Variants in NUP153 observed in about 807,000 individuals in gnomAD.
NUP153 encodes the protein nuclear pore complex protein Nup153.
A neutral mutation model predicts 134.6 loss-of-function variants in NUP153; 27 were observed. That is an observed-to-expected ratio of 0.20 (90% confidence interval 0.15 to 0.28). NUP153 has a LOEUF of 0.28. Ranked by LOEUF, NUP153 falls within the 10% of genes least tolerant of loss-of-function variation. The pLI is 1.00. For synonymous variants in NUP153, 640 were observed against 623.5 expected (o/e 1.03, Z -0.40); for missense variants, 1,821 against 1,731.3 (o/e 1.05, Z -0.92).
intron 14 of NUP153, among the ~76,000 whole-genome samples, chr6:17,642,080 A>G (rs1765870513): frequency 6.6e-6 from 1 of 152,196 alleles, no homozygotes; most frequent in South Asian, 2.1e-4. Context: ...ATAAACAAAA[A>G]TTCAAAATGG....
chr6:17,623,438 A>G (rs1467444829), intron 20 of NUP153, among the ~76,000 whole-genome samples: 1 of 152,130 alleles, frequency 6.6e-6, no homozygotes, highest in Admixed American at 6.5e-5. Flanking sequence ...GAACTCATAC[A>G]ATGGTGGTAG....
chr6:17,648,936 T>A (rs1766360813), intron 12 of NUP153, among the ~76,000 whole-genome samples: 1 of 152,220 alleles, frequency 6.6e-6, no homozygotes, highest in Admixed American at 6.5e-5. Context: ...TTTACAAGAA[T>A]ATCCTTCTCT....
chr6:17,643,178 T>C (rs1765943748), intron 14 of NUP153, among the ~76,000 whole-genome samples: 2 of 152,096 alleles, frequency 1.3e-5, no homozygotes, highest in African/African-American at 4.8e-5. Context: ...TTCATCACAA[T>C]AACAAAAATA....
At chr6:17,691,704 C>T (rs916391965) in intron 1 of NUP153, among the ~76,000 whole-genome samples, 1 of 152,136 alleles carries the variant, frequency 6.6e-6, no homozygotes, top group African/African-American at 2.4e-5. Flanking sequence ...GGCAGACGGG[C>T]CATTGCACTC....
chr6:17,697,695 A>G (rs1374150048), intron 1 of NUP153, among the ~76,000 whole-genome samples: 1 of 152,056 alleles, frequency 6.6e-6, no homozygotes, highest in Admixed American at 6.6e-5. Context: ...CTCAAAAAAA[A>G]GGATTAATGA....
rs948641291 is a variant in NUP153 at position 17,647,717 on chromosome 6, T to C, written c.1632+90A>G. ...TAAGTTGGAAGAAAAATAACAGTGTTTCTCACCACCAGTGGCATCTTAGAT... is the reference window on the plus strand; with the variant it reads ...TAAGTTGGAAGAAAAATAACAGTGTCTCTCACCACCAGTGGCATCTTAGAT... On this transcript the variant is annotated intron_variant, in intron 13 of 21. Coordinates refer to ENST00000262077, the MANE Select transcript of NUP153 (RefSeq NM_005124.4). 82 of 848,950 alleles carry C rather than the reference T, an allele frequency of 9.7e-5. No individual in the cohort carries two copies. The East Asian group carries it at 1.7e-3, about 18-fold the overall frequency. 52.6% of individuals were successfully genotyped at this position (848,950 alleles called of 1,614,324 possible). A position where few individuals can be genotyped will look rare whatever the true frequency, so the allele number is the denominator to read the frequency against.
At chr6:17,687,744 G>C (rs112862041) in intron 2 of NUP153, among the ~76,000 whole-genome samples, 2,107 of 152,186 alleles carry the variant, frequency 0.014, 56 homozygotes, top group African/African-American at 0.048. Flanking sequence ...TGTAGTGAAA[G>C]AAAAAATGTA....
chr6:17,630,430 C>G (rs909903040), intron 17 of NUP153, among the ~76,000 whole-genome samples: 7 of 152,010 alleles, frequency 4.6e-5, no homozygotes, highest in Non-Finnish European at 8.8e-5. Context: ...GAGGCCAAGG[C>G]GGGCAGATCA....
At position 17,706,421 on chromosome 6, in the gene NUP153, G is replaced by A. The variant is rs751296088; in HGVS notation, c.-34C>T. The A allele has an allele frequency of 2.3e-5, 36 of 1,561,846 alleles. No individual in the cohort carries two copies. In the East Asian group the frequency reaches 2.7e-4, roughly 12 times the overall value. On this transcript the variant is annotated 5_prime_UTR_variant, in exon 1 of 22. Transcript: ENST00000262077. This position sits in a 1 kb window ranked among gnomAD's most constrained non-coding sequence, Gnocchi z 5.9. ...CTCCGCCGCTTCCCGCTCCGGGGCG[G>A]GTAAGGGGGCGGGAGAGGCAGAGGC...
chr6:17,646,203 A>AC, intron 13 of NUP153, 49 bp from the exon 14 acceptor site: 6 of 992,596 alleles, frequency 6.0e-6, no homozygotes, highest in African/African-American at 1.6e-5. Context: ...TAAGTATCAA[A>AC]TATAGAGCTT....
In NUP153 at chr6:17,706,554, G is replaced by A; in HGVS notation, c.-167C>T. 1 of 595,368 alleles carries A rather than the reference G, an allele frequency of 1.7e-6. No individual in the cohort carries two copies. The highest frequency in any genetic ancestry group is 3.0e-6 in the Non-Finnish European group (1 of 338,698). 36.9% of individuals were successfully genotyped at this position (595,368 alleles called of 1,614,324 possible). A position where few individuals can be genotyped will look rare whatever the true frequency, so the allele number is the denominator to read the frequency against. ...CCAGGAACCGCGAGGTTGCGAGCAGGAGCGGAGAGAGGGTGAGTGCTGGCA... is the reference window on the plus strand; with the variant it reads ...CCAGGAACCGCGAGGTTGCGAGCAGAAGCGGAGAGAGGGTGAGTGCTGGCA... On this transcript the variant is annotated 5_prime_UTR_variant, in exon 1 of 22. Coordinates refer to ENST00000262077, the MANE Select transcript of NUP153 (RefSeq NM_005124.4). The surrounding 1 kb of genome is among the most constrained non-coding windows in gnomAD (Gnocchi z 5.9).
chr6:17,625,866 A>C lies in NUP153; in HGVS notation c.3843T>G (p.Ser1281Arg). Residue 1281 changes from serine to arginine, a missense_variant, in exon 19 of 22, where the codon AGT (serine) becomes AGG (arginine). Coordinates refer to ENST00000262077, the MANE Select transcript of NUP153 (RefSeq NM_005124.4). The surrounding 1 kb of genome is among the most constrained non-coding windows in gnomAD (Gnocchi z 4.7). ...TPFVFGPGAS[S>R]NNTTTSGFGF... ...CGAAACCAGAGGTGGTAGTATTATT[A>C]CTGCTGGCTCCTGGACCAAAGACAA... 4 of 1,614,254 alleles carry C rather than the reference A, an allele frequency of 2.5e-6. No homozygotes were observed. The highest frequency in any genetic ancestry group is 3.4e-6 in the Non-Finnish European group (4 of 1,180,044).
intron 5 of NUP153, among the ~76,000 whole-genome samples, chr6:17,673,106 C>G (rs180806199): frequency 4.0e-4 from 61 of 152,272 alleles, no homozygotes; most frequent in Admixed American, 8.5e-4. Flanking sequence ...CGGTGGCTCA[C>G]GCCTGTAATC....
chr6:17,616,603 T>C lies in NUP153; in HGVS notation c.4267A>G (p.Thr1423Ala). ...GAAGGCTGGGCTGAGGCTGCAGGTG[T>C]GCTAGAATTTGCACCAAATGTGAAC... ...GVFTFGANSS[T>A]PAASAQPSGS... The change falls in exon 21 of 22, where the codon ACA becomes GCA. Residue 1423 changes from threonine to alanine, a missense_variant. Physicochemically the swap from Thr to Ala is moderately conservative, Grantham distance 58. Coordinates refer to ENST00000262077, the MANE Select transcript of NUP153 (RefSeq NM_005124.4). The C allele has an allele frequency of 6.2e-7, 1 of 1,614,206 alleles. No homozygotes were observed.
At chr6:17,698,178 A>T (rs1193295409) in intron 1 of NUP153, among the ~76,000 whole-genome samples, 1 of 152,338 alleles carries the variant, frequency 6.6e-6, no homozygotes, top group East Asian at 1.9e-4. Context: ...CTAGAAAAGT[A>T]CTTTAAATGG....
chr6:17,623,172 C>G (rs1263888740), intron 20 of NUP153, among the ~76,000 whole-genome samples: 1 of 150,430 alleles, frequency 6.6e-6, no homozygotes, highest in African/African-American at 2.4e-5. Flanking sequence ...GAAAATGTTA[C>G]CTGTGTGAAA....
intron 20 of NUP153, among the ~76,000 whole-genome samples, chr6:17,618,532 A>G (rs1283559646): frequency 6.6e-6 from 1 of 151,450 alleles, no homozygotes; most frequent in Non-Finnish European, 1.5e-5. Flanking sequence ...ATACTTAGAA[A>G]TTAAAGAAAT....
chr6:17,648,728 A>C (rs1028185417), intron 12 of NUP153, among the ~76,000 whole-genome samples: 2 of 152,132 alleles, frequency 1.3e-5, no homozygotes, highest in Non-Finnish European at 2.9e-5. Context: ...ACTTGAGCCC[A>C]GGAGATGGAA....
At position 17,695,023 on chromosome 6, in the gene NUP153, G is replaced by C. The variant is rs545896931; in HGVS notation, c.112-6405C>G. On this transcript the variant is annotated intron_variant, in intron 1 of 21. Transcript: ENST00000262077. Reference sequence around the variant, plus strand: ...GAGTGGGAAGTACTATGGACTGAACGAACAAAAAGGTGCTAAGACCCAAAT... The same window carrying C: ...GAGTGGGAAGTACTATGGACTGAACCAACAAAAAGGTGCTAAGACCCAAAT... 2.0e-5 allele frequency among the ~76,000 whole-genome samples: 3 copies of C among 151,718 alleles called. No individual in the cohort carries two copies. The South Asian group carries it at 6.2e-4, about 31-fold the overall frequency.
Sources: allele counts gnomAD v4.1 joint callset (sites outside exome capture counted in the v4.1 genomes callset), GRCh38; gene constraint gnomAD v4.1.1; non-coding constraint Gnocchi (gnomAD v3.1); transcripts MANE v1.5; gene names NCBI Gene and HGNC (gene_info 2026-07-23, HGNC 2026-07-21).